The following LHFPL6 variants were observed in gnomAD, a reference collection of about 807,000 sequenced individuals.
LHFPL6 encodes the protein LHFPL tetraspan subfamily member 6.
LHFPL6 carries 9 observed loss-of-function variants against 20.6 expected under a neutral mutation model. The observed-to-expected ratio is 0.44, with a 90% confidence interval of 0.26 to 0.76. The LOEUF is 0.76. Among genes scored for constraint, LHFPL6 ranks in the 30% least tolerant of loss-of-function variants. The probability of loss-of-function intolerance (pLI) is 0.20; values close to 1 mark genes in which losing one functional copy is unlikely to be tolerated. For missense variants in LHFPL6, 218 were observed against 253.5 expected, an observed-to-expected ratio of 0.86 and a Z score of 0.95; for synonymous variants, 105 against 98.7, an observed-to-expected ratio of 1.06 and a Z score of -0.38.
chr13:39,395,172 C>A (rs1870811582), intron 2 of LHFPL6, among the ~76,000 whole-genome samples: 1 of 152,068 alleles, frequency 6.6e-6, no homozygotes, highest in African/African-American at 2.4e-5. Context: ...TAAATGCCTC[C>A]TTTTTTCAGC....
intron 2 of LHFPL6, among the ~76,000 whole-genome samples, chr13:39,518,714 C>T (rs1261675498): frequency 3.3e-5 from 5 of 152,248 alleles, no homozygotes; most frequent in Middle Eastern, 3.4e-3. Context: ...ACTAGAACCA[C>T]CTGGAAAGCT....
chr13:39,531,461 C>T (rs1377159680), intron 2 of LHFPL6, among the ~76,000 whole-genome samples: 1 of 152,066 alleles, frequency 6.6e-6, no homozygotes, highest in Non-Finnish European at 1.5e-5. Flanking sequence ...TTTAAATTAA[C>T]AAAATGTACT....
chr13:39,519,678 C>T (rs929953552), intron 2 of LHFPL6, among the ~76,000 whole-genome samples: 5 of 152,112 alleles, frequency 3.3e-5, no homozygotes, highest in South Asian at 4.2e-4. Context: ...TAATCCAGGC[C>T]GAGAATAAAA....
intron 2 of LHFPL6, among the ~76,000 whole-genome samples, chr13:39,450,167 A>G (rs1872402963): frequency 6.6e-6 from 1 of 152,246 alleles, no homozygotes; most frequent in Non-Finnish European, 1.5e-5. Flanking sequence ...AAAGAATGTT[A>G]GAAGCCATAA....
At chr13:39,368,819 T>C (rs1213650682) in intron 3 of LHFPL6, among the ~76,000 whole-genome samples, 1 of 152,138 alleles carries the variant, frequency 6.6e-6, no homozygotes, top group Non-Finnish European at 1.5e-5. Flanking sequence ...ATTATTTCAG[T>C]CTTGATTTCT....
intron 2 of LHFPL6, among the ~76,000 whole-genome samples, chr13:39,511,840 A>C (rs779876588): frequency 6.6e-6 from 1 of 152,198 alleles, no homozygotes; most frequent in African/African-American, 2.4e-5. Flanking sequence ...ACAAGTACAG[A>C]GCTATCCTTG....
chr13:39,600,222 C>T (rs1463723570), intron 2 of LHFPL6, among the ~76,000 whole-genome samples: 1 of 152,170 alleles, frequency 6.6e-6, no homozygotes, highest in Non-Finnish European at 1.5e-5. Flanking sequence ...ACAGCAAGAG[C>T]ACCCAGGAAA....
chr13:39,532,820 C>CACA (rs1178831082), intron 2 of LHFPL6, among the ~76,000 whole-genome samples: 2 of 152,086 alleles, frequency 1.3e-5, no homozygotes, highest in African/African-American at 2.4e-5. Flanking sequence ...TATATTGGAC[C>CACA]ACATTGCATG....
chr13:39,424,141 G>A lies in LHFPL6; in HGVS notation c.386-45615C>T, dbSNP rs183800825. Among the ~76,000 whole-genome samples the A allele has an allele frequency of 3.2e-3, 486 of 152,168 alleles. 1 individual carries two copies. Among genetic ancestry groups the A allele is most frequent in the Non-Finnish European group, 5.4e-3 (364 of 68,000 alleles). ...TACAAAATAGTTATAGAAAATTATC[G>A]TTTTTCCTAAAGTAGCTCATGCATT... is the stretch of plus-strand genomic sequence containing the variant. On this transcript the variant is annotated intron_variant, in intron 2 of 3. Transcript: ENST00000379589.
chr13:39,435,005 G>A (rs918780361), intron 2 of LHFPL6, among the ~76,000 whole-genome samples: 12 of 135,506 alleles, frequency 8.9e-5, no homozygotes, highest in Non-Finnish European at 1.1e-4. Flanking sequence ...GCAGTGAGCC[G>A]AGATTGCGCC....
intron 2 of LHFPL6, among the ~76,000 whole-genome samples, chr13:39,431,829 A>C (rs1871819649): frequency 6.6e-6 from 1 of 151,840 alleles, no homozygotes; most frequent in African/African-American, 2.4e-5. Flanking sequence ...CTCCAGCCCA[A>C]GTCACCCTTA....
intron 2 of LHFPL6, among the ~76,000 whole-genome samples, chr13:39,392,392 C>T (rs1436191974): frequency 2.0e-5 from 3 of 152,240 alleles, no homozygotes; most frequent in East Asian, 3.9e-4. Context: ...GTCAGGAGTT[C>T]GAGACCAGCC....
In LHFPL6 at chr13:39,343,818, T is replaced by C; in HGVS notation, c.*118A>G. 3.2e-6 allele frequency: 2 copies of C among 631,274 alleles called. No individual in the cohort carries two copies. The highest frequency in any genetic ancestry group is 5.5e-5 in the East Asian group (2 of 36,622). 39.1% of individuals were successfully genotyped at this position (631,274 alleles called of 1,614,324 possible). On this transcript the variant is annotated 3_prime_UTR_variant, in exon 4 of 4. Coordinates refer to ENST00000379589, the MANE Select transcript of LHFPL6 (RefSeq NM_005780.3). ...TTCCTGATTTTATCGGGTTTCATTT[T>C]ATTAGCATTGTATTGGATTAGAACT...
chr13:39,556,685 T>G (rs1015534404), intron 2 of LHFPL6, among the ~76,000 whole-genome samples: 2 of 152,168 alleles, frequency 1.3e-5, no homozygotes, highest in East Asian at 3.9e-4. Flanking sequence ...AAGCAGTGAC[T>G]GGACATGGTG....
chr13:39,471,948 G>A (rs976086200), intron 2 of LHFPL6, among the ~76,000 whole-genome samples: 7 of 152,156 alleles, frequency 4.6e-5, no homozygotes, highest in African/African-American at 1.4e-4. Flanking sequence ...CCTGTCTCCA[G>A]AAGATGGTGT....
intron 2 of LHFPL6, among the ~76,000 whole-genome samples, chr13:39,564,073 C>T (rs1374460772): frequency 6.6e-6 from 1 of 152,066 alleles, no homozygotes; most frequent in African/African-American, 2.4e-5. Flanking sequence ...TTCCCACCAT[C>T]GAGAGTCATT....
intron 2 of LHFPL6, among the ~76,000 whole-genome samples, chr13:39,400,022 G>A (rs1175345853): frequency 6.6e-6 from 1 of 152,204 alleles, no homozygotes; most frequent in African/African-American, 2.4e-5. Flanking sequence ...GAACCCAGGA[G>A]GTGGAGATTG....
intron 2 of LHFPL6, among the ~76,000 whole-genome samples, chr13:39,598,045 C>G (rs1212058117): frequency 6.6e-6 from 1 of 152,228 alleles, no homozygotes; most frequent in East Asian, 1.9e-4. Flanking sequence ...CTGGGCATAT[C>G]ATTTTTAGCA....
intron 2 of LHFPL6, among the ~76,000 whole-genome samples, chr13:39,500,620 C>A (rs1210541711): frequency 6.6e-6 from 1 of 152,032 alleles, no homozygotes; most frequent in East Asian, 1.9e-4. Context: ...TTATTATGCA[C>A]CTGCTGATAG....
Sources: gnomAD v4.1 joint callset for allele counts (sites outside exome capture counted in the v4.1 genomes callset) on GRCh38, gnomAD v4.1.1 for gene constraint, MANE v1.5 for transcripts, NCBI Gene and HGNC (gene_info 2026-07-23, HGNC 2026-07-21) for gene names.